Variants in WWTR1 observed in about 807,000 individuals in gnomAD.
WWTR1 encodes WW domain-containing transcription regulator protein 1.
Under a neutral mutation model 40.1 loss-of-function variants are expected in WWTR1, and 13 were observed. That is an observed-to-expected ratio of 0.32 (90% CI 0.21 to 0.52). WWTR1 has a LOEUF of 0.52. Ranked by LOEUF, WWTR1 falls within the 20% of genes least tolerant of loss-of-function variation. The pLI, the probability that WWTR1 is intolerant of heterozygous loss-of-function variation, is 0.97. For missense variants in WWTR1, 436 were observed against 523.1 expected (o/e 0.83, Z 1.63); for synonymous variants, 230 against 210.1 (o/e 1.09, Z -0.82).
intron 2 of WWTR1, among the ~76,000 whole-genome samples, chr3:149,624,251 C>T (rs977089978): frequency 1.3e-5 from 2 of 152,192 alleles, no homozygotes; most frequent in African/African-American, 4.8e-5. Context: ...TTAGAGGCTG[C>T]TCGTTTGGGA....
chr3:149,633,353 C>T (rs535315048), intron 2 of WWTR1, among the ~76,000 whole-genome samples: 1 of 152,266 alleles, frequency 6.6e-6, no homozygotes, highest in Non-Finnish European at 1.5e-5. Context: ...TGTGCCAATG[C>T]ATTACACTCT....
intron 1 of WWTR1, among the ~76,000 whole-genome samples, chr3:149,685,895 T>C (rs1280548415): frequency 3.9e-5 from 6 of 152,196 alleles, no homozygotes; most frequent in Non-Finnish European, 5.9e-5. Context: ...GGGGTACATT[T>C]AAATGTTAAA....
chr3:149,668,981 T>C (rs940491795), intron 2 of WWTR1, among the ~76,000 whole-genome samples: 6 of 152,214 alleles, frequency 3.9e-5, no homozygotes, highest in Non-Finnish European at 7.3e-5. Flanking sequence ...CTTTGCTAAA[T>C]GAGTAACTTT....
At chr3:149,558,157 C>A (rs1053380240) in intron 3 of WWTR1, among the ~76,000 whole-genome samples, 6 of 151,986 alleles carry the variant, frequency 3.9e-5, no homozygotes, top group Admixed American at 3.3e-4. Context: ...GGGCCCCAAG[C>A]AGTACACCTG....
chr3:149,668,347 G>A (rs35259512), intron 2 of WWTR1, among the ~76,000 whole-genome samples: 8,892 of 152,120 alleles, frequency 0.058, 303 homozygotes, highest in Non-Finnish European at 0.082. Flanking sequence ...TTGGCCAGGC[G>A]TGTAATCTGA....
intron 5 of WWTR1, chr3:149,717,300 C>G (rs1715637362): frequency 6.6e-6 from 1 of 152,112 alleles, no homozygotes; most frequent in Admixed American, 6.5e-5. Context: ...CTATCTTCAG[C>G]CTAAAAACAA....
chr3:149,592,995 A>G (rs919930157), intron 2 of WWTR1, among the ~76,000 whole-genome samples: 2 of 152,166 alleles, frequency 1.3e-5, no homozygotes, highest in Non-Finnish European at 2.9e-5. Flanking sequence ...ATCCCTGCTA[A>G]AAAAAACTCC....
chr3:149,719,702 C>T (rs1715711410), intron 4 of WWTR1, among the ~76,000 whole-genome samples: 1 of 152,208 alleles, frequency 6.6e-6, no homozygotes, highest in South Asian at 2.1e-4. Flanking sequence ...CTGCTTTCCA[C>T]AGTGGTTATA....
intron 1 of WWTR1, among the ~76,000 whole-genome samples, chr3:149,672,402 T>C (rs569745238): frequency 6.6e-6 from 1 of 152,296 alleles, no homozygotes; most frequent in South Asian, 2.1e-4. Flanking sequence ...GACTACATGT[T>C]ACAGCAAGGA....
chr3:149,643,039 C>A (rs1210973495), intron 2 of WWTR1, among the ~76,000 whole-genome samples: 2 of 152,144 alleles, frequency 1.3e-5, no homozygotes, highest in African/African-American at 4.8e-5. Context: ...TAGCAAAATA[C>A]AGAATAGCCT....
intron 3 of WWTR1, among the ~76,000 whole-genome samples, chr3:149,564,570 T>C (rs1737225784): frequency 1.3e-5 from 2 of 151,660 alleles, no homozygotes; most frequent in East Asian, 3.9e-4. Flanking sequence ...CACCCTTAAC[T>C]CAAAGGCTTA....
intron 4 of WWTR1, among the ~76,000 whole-genome samples, chr3:149,719,114 C>A (rs867679508): frequency 6.6e-6 from 1 of 151,726 alleles, no homozygotes. Flanking sequence ...ATGTGAGGCA[C>A]CATGCCTGGC....
intron 5 of WWTR1, among the ~76,000 whole-genome samples, chr3:149,717,031 G>A (rs1239938823): frequency 6.6e-6 from 1 of 152,068 alleles, no homozygotes; most frequent in Non-Finnish European, 1.5e-5. Context: ...AAAAAACTTA[G>A]GTGGCACATG....
chr3:149,641,322 C>A (rs1350451936), intron 2 of WWTR1, among the ~76,000 whole-genome samples: 1 of 152,156 alleles, frequency 6.6e-6, no homozygotes, highest in East Asian at 1.9e-4. Flanking sequence ...ATGTACCAGC[C>A]ACCAAGATGT....
intron 2 of WWTR1, among the ~76,000 whole-genome samples, chr3:149,652,724 A>G (rs933799453): frequency 1.3e-5 from 2 of 151,220 alleles, no homozygotes; most frequent in Non-Finnish European, 2.9e-5. Flanking sequence ...ATAAACATCA[A>G]ACCTGGGAGA....
At chr3:149,539,167 A>G (rs1245059591) in intron 4 of WWTR1, among the ~76,000 whole-genome samples, 1 of 152,220 alleles carries the variant, frequency 6.6e-6, no homozygotes, top group Non-Finnish European at 1.5e-5. Flanking sequence ...TCATGGCACA[A>G]CATCATCAAA....
chr3:149,724,059 C>G (rs1048363207), intron 4 of WWTR1: 1 of 152,100 alleles, frequency 6.6e-6, no homozygotes, highest in African/African-American at 2.4e-5. Context: ...TCAACAGACT[C>G]CACAGTTCCA....
intron 2 of WWTR1, among the ~76,000 whole-genome samples, chr3:149,579,351 T>G (rs1238841353): frequency 6.6e-6 from 1 of 152,138 alleles, no homozygotes; most frequent in Non-Finnish European, 1.5e-5. Flanking sequence ...GATGAGAATT[T>G]AAAGACAGCC....
intron 2 of WWTR1, among the ~76,000 whole-genome samples, chr3:149,582,324 A>T (rs1738184463): frequency 6.6e-6 from 1 of 151,732 alleles, no homozygotes; most frequent in Admixed American, 6.6e-5. Context: ...TGCTTGTTTG[A>T]TTTGGGCCAA....
Sources: allele counts gnomAD v4.1 joint callset (sites outside exome capture counted in the v4.1 genomes callset), GRCh38; gene constraint gnomAD v4.1.1; transcripts MANE v1.5; gene names NCBI Gene and HGNC (gene_info 2026-07-23, HGNC 2026-07-21).